Variants in DAB2 observed in about 807,000 individuals in gnomAD.
DAB2 encodes disabled homolog 2.
A neutral mutation model predicts 71.6 loss-of-function variants in DAB2; 28 were observed. The observed-to-expected ratio is 0.39, with a 90% CI of 0.29 to 0.54. The LOEUF (loss-of-function observed/expected upper bound fraction) is 0.54. DAB2 is among the 20% of genes least tolerant of loss of function. The pLI is 0.68. For missense variants in DAB2, 867 were observed against 928.8 expected (o/e 0.93, Z 0.86); for synonymous variants, 345 against 339.7 (o/e 1.02, Z -0.17).
intron 11 of DAB2, among the ~76,000 whole-genome samples, chr5:39,378,321 C>T (rs1202118760): frequency 6.6e-6 from 1 of 152,236 alleles, no homozygotes; most frequent in Non-Finnish European, 1.5e-5. Flanking sequence ...CAGTTAAACT[C>T]ACCGCTAAGA....
intron 1 of DAB2, among the ~76,000 whole-genome samples, chr5:39,407,240 G>C (rs192159345): frequency 1.2e-3 from 184 of 152,262 alleles, no homozygotes; most frequent in African/African-American, 4.2e-3. Context: ...TTCTGTTTGT[G>C]ACGGAGTCTC....
intron 1 of DAB2, among the ~76,000 whole-genome samples, chr5:39,424,470 TACACACACACACACACACACACACAC>T (rs56974213): frequency 5.2e-5 from 7 of 134,558 alleles, no homozygotes; most frequent in East Asian, 2.3e-4. Flanking sequence ...GCAGACCTTT[TACACACACACACACACACACACACAC>T]ACACACACAC....
intron 12 of DAB2, 43 bp from the exon 13 acceptor site, chr5:39,376,149 C>A (rs779906888): frequency 1.4e-6 from 2 of 1,476,230 alleles, no homozygotes; most frequent in Non-Finnish European, 1.9e-6. Context: ...CAAGCTTTCC[C>A]CAAATATAGG....
At chr5:39,393,813 T>C (rs1397907530) in intron 2 of DAB2, among the ~76,000 whole-genome samples, 1 of 152,240 alleles carries the variant, frequency 6.6e-6, no homozygotes, top group Non-Finnish European at 1.5e-5. Context: ...GAATTATGCC[T>C]AAGTTCTCTT....
intron 1 of DAB2, among the ~76,000 whole-genome samples, chr5:39,400,248 T>G (rs1313954637): frequency 6.6e-6 from 1 of 151,572 alleles, no homozygotes; most frequent in Non-Finnish European, 1.5e-5. Flanking sequence ...TTTTTTTTTC[T>G]TGAGATAGAG....
At chr5:39,382,469 C>T in intron 10 of DAB2, 149 bp downstream of exon 10, 1 of 784,942 alleles carries the variant, frequency 1.3e-6, no homozygotes, top group Non-Finnish European at 2.0e-6. Context: ...GAGGAAAGTA[C>T]TCCTGGAGAA....
chr5:39,394,749 GGCATTATT>G (rs3836791), intron 1 of DAB2, among the ~76,000 whole-genome samples: 59,533 of 151,576 alleles, frequency 0.39, 11,901 homozygotes, highest in Middle Eastern at 0.44. Context: ...AAACTTGCTA[GGCATTATT>G]GCAAAACAGA....
chr5:39,384,604 C>T (rs1755054400), intron 9 of DAB2, among the ~76,000 whole-genome samples: 1 of 152,130 alleles, frequency 6.6e-6, no homozygotes, highest in South Asian at 2.1e-4. Flanking sequence ...TATCATTTCT[C>T]TGGTGTGTTA....
chr5:39,395,430 TG>T (rs1755337810), intron 1 of DAB2, among the ~76,000 whole-genome samples: 1 of 152,206 alleles, frequency 6.6e-6, no homozygotes, highest in South Asian at 2.1e-4. Context: ...AAGTGAACAT[TG>T]TAACTGAAGG....
chr5:39,383,026 A>C lies in DAB2; in HGVS notation c.933T>G (p.Phe311Leu). ...TQPDQSTPSS[F>L]DSLKSPDQKK... ...TCTGATCTGGAGATTTGAGAGAATC[A>C]AACGAAGAAGGTGTCGATTGGTCTG... The change falls in exon 10 of 15, where the codon TTT becomes TTG. Residue 311 changes from phenylalanine (F) to leucine (L), a missense_variant. Phe to Leu is a conservative substitution (Grantham distance 22). Transcript: ENST00000320816. 6.2e-7 allele frequency: 1 copy of C among 1,614,158 alleles called. No individual in the cohort carries two copies. Among genetic ancestry groups the C allele is most frequent in the Non-Finnish European group, 8.5e-7 (1 of 1,180,022 alleles).
chr5:39,410,337 C>G (rs534281417), intron 1 of DAB2, among the ~76,000 whole-genome samples: 11 of 152,216 alleles, frequency 7.2e-5, no homozygotes, highest in African/African-American at 2.6e-4. Context: ...CCAAAGGCAA[C>G]ATCATATTCT....
intron 1 of DAB2, among the ~76,000 whole-genome samples, chr5:39,410,806 T>TA (rs5867464): frequency 0.92 from 138,749 of 150,134 alleles, 64,407 homozygotes; most frequent in Non-Finnish European, 0.96. Flanking sequence ...CTAACCTGCT[T>TA]AAAAAAAAAA....
intron 11 of DAB2, among the ~76,000 whole-genome samples, chr5:39,379,832 A>G (rs947980436): frequency 4.6e-5 from 7 of 151,844 alleles, no homozygotes; most frequent in Non-Finnish European, 1.0e-4. Context: ...CAGGGACTAT[A>G]CTGTAGAGCT....
At chr5:39,407,284 A>C (rs1472652602) in intron 1 of DAB2, among the ~76,000 whole-genome samples, 1 of 152,120 alleles carries the variant, frequency 6.6e-6, no homozygotes, top group African/African-American at 2.4e-5. Flanking sequence ...CAGAGGCGCG[A>C]TCTCAGCTCA....
chr5:39,386,044 C>T (rs1403209360), intron 9 of DAB2, among the ~76,000 whole-genome samples: 1 of 152,172 alleles, frequency 6.6e-6, no homozygotes, highest in African/African-American at 2.4e-5. Flanking sequence ...TGATCCCATC[C>T]CTTGTACCAG....
intron 11 of DAB2, among the ~76,000 whole-genome samples, chr5:39,379,443 C>CAAA (rs33949918): frequency 0.019 from 1,356 of 70,954 alleles, 55 homozygotes; most frequent in Non-Finnish European, 0.021. Context: ...GACTCTGTCT[C>CAAA]AAAAAAAAAA....
rs556998507 is a variant in DAB2 at position 39,374,186 on chromosome 5, G to GA, written c.*6-762dup. Among the ~76,000 whole-genome samples the GA allele has an allele frequency of 2.6e-4, 40 of 151,742 alleles. No homozygotes were observed. In the East Asian group the frequency reaches 4.8e-3, roughly 18 times the overall value. On this transcript the variant is annotated intron_variant, in intron 14 of 14. Coordinates refer to ENST00000320816, the MANE Select transcript of DAB2 (RefSeq NM_001343.4). ...GTCCTGTTTGGATGAGACAAGATTG[G>GA]AAAAAAAATGGGCTTGGTTTTTGTT...
chr5:39,396,110 G>A (rs971192578), intron 1 of DAB2, among the ~76,000 whole-genome samples: 3 of 151,710 alleles, frequency 2.0e-5, no homozygotes, highest in East Asian at 3.9e-4. Flanking sequence ...CACTACGCCC[G>A]GCTAAGTTTT....
chr5:39,414,805 C>T (rs539510297), intron 1 of DAB2, among the ~76,000 whole-genome samples: 1 of 151,974 alleles, frequency 6.6e-6, no homozygotes, highest in East Asian at 1.9e-4. Context: ...TAATAAATTG[C>T]AATTGATGTT....
Sources: allele counts gnomAD v4.1 joint callset (sites outside exome capture counted in the v4.1 genomes callset), GRCh38; gene constraint gnomAD v4.1.1; transcripts MANE v1.5; gene names NCBI Gene and HGNC (gene_info 2026-07-23, HGNC 2026-07-21).